Variants in ITGB8 observed in about 807,000 individuals in gnomAD.
ITGB8 encodes the protein integrin beta-8.
Under a neutral mutation model 89.5 loss-of-function variants are expected in ITGB8, and 30 were observed. That is an observed-to-expected ratio of 0.34 (90% CI 0.25 to 0.45). The LOEUF is 0.45. Among genes scored for constraint, ITGB8 ranks in the 20% least tolerant of loss-of-function variants. ITGB8 has a pLI of 1.00. For synonymous variants in ITGB8, 335 were observed against 320.4 expected (o/e 1.05, Z -0.49); for missense variants, 836 against 933.3 (o/e 0.90, Z 1.36).
chr7:20,351,202 T>C (rs553785283), intron 1 of ITGB8, among the ~76,000 whole-genome samples: 56 of 152,366 alleles, frequency 3.7e-4, no homozygotes, highest in African/African-American at 1.3e-3. Flanking sequence ...TGCTGAGTCA[T>C]CATTTAAGAA....
chr7:20,381,596 C>G, intron 5 of ITGB8, 131 bp from the exon 6 acceptor site: 3 of 636,364 alleles, frequency 4.7e-6, no homozygotes, highest in Non-Finnish European at 8.1e-6. Flanking sequence ...TACGCAGCAG[C>G]GTTGTACCCA....
chr7:20,378,187 A>C (rs1786231529), intron 3 of ITGB8, among the ~76,000 whole-genome samples: 1 of 152,234 alleles, frequency 6.6e-6, no homozygotes, highest in Non-Finnish European at 1.5e-5. Flanking sequence ...TCCTTGTATC[A>C]AATAGTAATA....
intron 3 of ITGB8, among the ~76,000 whole-genome samples, chr7:20,371,761 T>C (rs189563210): frequency 2.0e-5 from 3 of 152,320 alleles, no homozygotes; most frequent in East Asian, 3.9e-4. Context: ...TATCTTTGTA[T>C]ATAACCGCAT....
At chr7:20,389,197 AC>A (rs1468000065) in intron 6 of ITGB8, among the ~76,000 whole-genome samples, 2 of 152,186 alleles carry the variant, frequency 1.3e-5, no homozygotes, top group African/African-American at 4.8e-5. Flanking sequence ...TTGAGGAATC[AC>A]CACACTGTCT....
rs796802780 is a variant in ITGB8 at position 20,374,455 on chromosome 7, A to G, written c.389-4596A>G. ...GGCAATACTAGGGTAAATATTTTACATAGATTACCTTATTTAGTAGCTCTT... is the reference window on the plus strand; with the variant it reads ...GGCAATACTAGGGTAAATATTTTACGTAGATTACCTTATTTAGTAGCTCTT... On this transcript the variant is annotated intron_variant, in intron 3 of 13. Coordinates refer to ENST00000222573, the MANE Select transcript of ITGB8 (RefSeq NM_002214.3). Among the ~76,000 whole-genome samples the G allele has an allele frequency of 1.5e-3, 225 of 150,592 alleles. 1 individual carries two copies. Among genetic ancestry groups the G allele is most frequent in the African/African-American group, 5.2e-3 (213 of 40,774 alleles).
At chr7:20,397,714 G>A (rs1426754551) in intron 8 of ITGB8, among the ~76,000 whole-genome samples, 1 of 152,180 alleles carries the variant, frequency 6.6e-6, no homozygotes, top group African/African-American at 2.4e-5. Context: ...GGAAGACATA[G>A]TCTTACCTAC....
intron 1 of ITGB8, among the ~76,000 whole-genome samples, chr7:20,336,461 C>T (rs901804187): frequency 6.6e-6 from 1 of 152,224 alleles, no homozygotes; most frequent in African/African-American, 2.4e-5. Context: ...ACTCCATTTT[C>T]TTGTCCAGTC....
chr7:20,389,186 C>T (rs1433177155), intron 6 of ITGB8, among the ~76,000 whole-genome samples: 1 of 152,164 alleles, frequency 6.6e-6, no homozygotes, highest in African/African-American at 2.4e-5. Context: ...GTTCTAGATC[C>T]TTGAGGAATC....
chr7:20,358,556 C>T (rs1216686084), intron 1 of ITGB8, among the ~76,000 whole-genome samples: 1 of 152,074 alleles, frequency 6.6e-6, no homozygotes, highest in East Asian at 1.9e-4. Flanking sequence ...GCATGTGCCA[C>T]CACACCTGGG....
chr7:20,390,522 A>C (rs73088465), intron 6 of ITGB8, among the ~76,000 whole-genome samples: 35,464 of 151,978 alleles, frequency 0.23, 5,202 homozygotes, highest in Non-Finnish European at 0.33. Context: ...CTTTCTCATT[A>C]CCACAAAGAG....
chr7:20,403,223 T>G (rs991469883), intron 10 of ITGB8, among the ~76,000 whole-genome samples: 1 of 152,220 alleles, frequency 6.6e-6, no homozygotes, highest in African/African-American at 2.4e-5. Flanking sequence ...GGATGGATTA[T>G]AGATGACTTT....
chr7:20,357,940 T>C (rs1377082236), intron 1 of ITGB8, among the ~76,000 whole-genome samples: 1 of 152,140 alleles, frequency 6.6e-6, no homozygotes, highest in Non-Finnish European at 1.5e-5. Context: ...CAGGTTTTTT[T>C]TGTTATCGTT....
At position 20,367,525 on chromosome 7, in the gene ITGB8, A is replaced by G. The variant is rs564313322; in HGVS notation, c.388+339A>G. Among the ~76,000 whole-genome samples the G allele has an allele frequency of 3.3e-5, 5 of 152,342 alleles. No individual in the cohort carries two copies. The South Asian group carries it at 8.3e-4, about 25-fold the overall frequency. ...CTCTTTTTCCAATGCCTAGCAGAGC[A>G]CTAGCATGTAGTAAGTACTCTGTAA... is the stretch of plus-strand genomic sequence containing the variant. On this transcript the variant is annotated intron_variant, in intron 3 of 13. Transcript: ENST00000222573.
intron 1 of ITGB8, among the ~76,000 whole-genome samples, chr7:20,353,682 C>G (rs1317645379): frequency 1.4e-5 from 2 of 147,104 alleles, no homozygotes; most frequent in Non-Finnish European, 2.9e-5. Context: ...GCCTGTAATC[C>G]CAGCACTTTG....
At chr7:20,346,677 A>T in intron 1 of ITGB8, 2 of 985,144 alleles carry the variant, frequency 2.0e-6, no homozygotes, top group Non-Finnish European at 2.4e-6. Context: ...GCCAAAAGCA[A>T]CGTGGACTTT....
intron 3 of ITGB8, among the ~76,000 whole-genome samples, chr7:20,376,815 C>G (rs6959923): frequency 9.3e-4 from 141 of 152,234 alleles, no homozygotes; most frequent in African/African-American, 3.1e-3. Flanking sequence ...TACTAAAAGG[C>G]CTGTGTATGG....
At chr7:20,389,914 G>A (rs116891698) in intron 6 of ITGB8, among the ~76,000 whole-genome samples, 2,351 of 151,632 alleles carry the variant, frequency 0.016, 33 homozygotes, top group Non-Finnish European at 0.026. Flanking sequence ...GCAGACCTAC[G>A]TGTTAATACT....
In ITGB8 at chr7:20,360,347, A is replaced by C. The variant is rs373563880; in HGVS notation, c.128-3290A>C. Among the ~76,000 whole-genome samples the C allele has an allele frequency of 2.6e-4, 3 of 11,744 alleles. No individual in the cohort carries two copies. In the South Asian group the frequency reaches 0.01, roughly 41 times the overall value. 7.7% of individuals were successfully genotyped at this position (11,744 alleles called of 152,430 possible). A position where few individuals can be genotyped will look rare whatever the true frequency, so the allele number is the denominator to read the frequency against. On this transcript the variant is annotated intron_variant, in intron 1 of 13. Coordinates refer to ENST00000222573, the MANE Select transcript of ITGB8 (RefSeq NM_002214.3). The stretch of plus-strand genomic sequence containing the variant: ...CCCTTCCATGAGACTACAGTCCTTT[A>C]ATTTTTTTTTTTTTACTTGAGTAGC...
chr7:20,390,854 ATTTCCTGCTTCTAAAGAGCG>A (rs1466758597), intron 6 of ITGB8, among the ~76,000 whole-genome samples: 3 of 152,088 alleles, frequency 2.0e-5, no homozygotes, highest in Non-Finnish European at 4.4e-5. Context: ...TGAGTAGAGC[ATTTCCTGCTTCTAAAGAGCG>A]TTACTATATC....
Sources: allele counts gnomAD v4.1 joint callset (sites outside exome capture counted in the v4.1 genomes callset), GRCh38; gene constraint gnomAD v4.1.1; transcripts MANE v1.5; gene names NCBI Gene and HGNC (gene_info 2026-07-23, HGNC 2026-07-21).